The following FAT4 variants were observed in gnomAD, a reference collection of about 807,000 sequenced individuals.
FAT4 encodes the protein FAT atypical cadherin 4.
FAT4 carries 84 observed loss-of-function variants against 303.9 expected under a neutral mutation model. The observed-to-expected ratio is 0.28, with a 90% CI of 0.23 to 0.33. FAT4 has a LOEUF of 0.33. Among genes scored for constraint, FAT4 ranks in the 10% least tolerant of loss-of-function variants. FAT4 has a pLI of 1.00. For missense variants in FAT4, 6,005 were observed against 6,146.8 expected, an observed-to-expected ratio of 0.98 and a Z score of 0.77; for synonymous variants, 2,307 against 2,298.8, an observed-to-expected ratio of 1.00 and a Z score of -0.10.
In FAT4 at chr4:125,320,304, C is replaced by T. The variant is rs765665479; in HGVS notation, c.3893C>T (p.Thr1298Met). Residue 1298 changes from threonine (T) to methionine (M), a missense_variant, in exon 2 of 18, where the codon ACG (threonine) becomes ATG (methionine). Physicochemically the swap from Thr to Met is moderately conservative, Grantham distance 81 (BLOSUM62 -1). Coordinates refer to ENST00000394329, the MANE Select transcript of FAT4 (RefSeq NM_001291303.3). ...VDSGTIPLNS[T>M]CTLNIDILDE... Reference sequence around the variant, plus strand: ...TCAGGGACAATCCCCCTCAATTCAACGTGTACTTTAAATATTGATATTTTA... The same window carrying T: ...TCAGGGACAATCCCCCTCAATTCAATGTGTACTTTAAATATTGATATTTTA... 2.2e-5 allele frequency: 36 copies of T among 1,613,104 alleles called. No homozygotes were observed. The highest frequency in any genetic ancestry group is 1.8e-4 in the South Asian group (16 of 91,050).
chr4:125,316,618 C>T lies in FAT4; in HGVS notation c.207C>T (p.Gly69=), dbSNP rs773204033. The T allele has an allele frequency of 1.2e-6, 2 of 1,614,002 alleles. No homozygotes were observed. Among genetic ancestry groups the T allele is most frequent in the Non-Finnish European group, 1.7e-6 (2 of 1,180,038 alleles). Residue 69 remains glycine, a synonymous_variant, in exon 2 of 18, where the codon GGC becomes GGT. Transcript: ENST00000394329. The surrounding 1 kb of genome is among the most constrained non-coding windows in gnomAD (Gnocchi z 5.7). Reference sequence around the variant, plus strand: ...TAGGCACCATCCAGACGCGCCCCGGCTTCACCTACAGGCTCAGCGAAAGCC... The same window carrying T: ...TAGGCACCATCCAGACGCGCCCCGGTTTCACCTACAGGCTCAGCGAAAGCC... ...TLVGTIQTRP[G]FTYRLSESHA... is the part of the protein sequence containing the mutation.
chr4:125,323,241 T>A (rs1016552019), intron 2 of FAT4, among the ~76,000 whole-genome samples: 5 of 152,198 alleles, frequency 3.3e-5, no homozygotes, highest in Non-Finnish European at 7.4e-5. Context: ...CTATGGAGAA[T>A]GAGAATAAAT....
chr4:125,317,938 T>A lies in FAT4; in HGVS notation c.1527T>A (p.Asn509Lys). The change falls in exon 2 of 18, where the codon AAT (asparagine) becomes AAA (lysine). Residue 509 changes from asparagine to lysine, a missense_variant. Transcript: ENST00000394329. The surrounding 1 kb of genome is among the most constrained non-coding windows in gnomAD (Gnocchi z 7.0). ...ATDGDSGLNANLRYSIVSGNG... is the reference protein window; with the variant it reads ...ATDGDSGLNAKLRYSIVSGNG... Reference sequence around the variant, plus strand: ...ATGGCGACTCTGGTCTCAATGCTAATCTGCGTTACAGCATTGTCTCTGGCA... The same window carrying A: ...ATGGCGACTCTGGTCTCAATGCTAAACTGCGTTACAGCATTGTCTCTGGCA... The A allele has an allele frequency of 6.2e-7, 1 of 1,614,150 alleles. No individual in the cohort carries two copies. The highest frequency in any genetic ancestry group is 8.5e-7 in the Non-Finnish European group (1 of 1,180,032).
chr4:125,373,498 T>G (rs1477438460), intron 2 of FAT4, among the ~76,000 whole-genome samples: 1 of 152,216 alleles, frequency 6.6e-6, no homozygotes, highest in African/African-American at 2.4e-5. Context: ...TGAAGCTTTA[T>G]TTCTAAAACT....
At chr4:125,477,386 A>T (rs1322928693) in intron 14 of FAT4, 52 bp downstream of exon 14, 3 of 1,442,988 alleles carry the variant, frequency 2.1e-6, no homozygotes, top group Non-Finnish European at 2.8e-6. Flanking sequence ...GCAAAAAAGT[A>T]TGCTTCAGTG....
At chr4:125,382,218 C>A (rs1733568870) in intron 2 of FAT4, among the ~76,000 whole-genome samples, 1 of 152,084 alleles carries the variant, frequency 6.6e-6, no homozygotes, top group African/African-American at 2.4e-5. Flanking sequence ...GAATTCTTTC[C>A]AAGTTTTCAA....
intron 2 of FAT4, among the ~76,000 whole-genome samples, chr4:125,337,287 C>A (rs991873109): frequency 6.6e-6 from 1 of 152,010 alleles, no homozygotes; most frequent in Admixed American, 6.6e-5. Context: ...GTAATAACCA[C>A]ACTCCAAAGT....
At chr4:125,394,020 A>G in intron 2 of FAT4, 1 of 778,848 alleles carries the variant, frequency 1.3e-6, no homozygotes, top group East Asian at 2.4e-5. Context: ...TCAAGCACAG[A>G]TCTACCAACT....
In FAT4 at chr4:125,468,541, A is replaced by G; in HGVS notation, c.11935A>G (p.Ser3979Gly). ...CTTTGGAAAACACTGCGAGTTGAAC[A>G]GTTATGGATTTGAGGAGTTATCATA... ...GVFGKHCELN[S>G]YGFEELSYME... The change falls in exon 12 of 18, where the codon AGT becomes GGT. Residue 3979 changes from serine (S) to glycine (G), a missense_variant. By Grantham distance (56) the Ser-to-Gly change is moderately conservative. Coordinates refer to ENST00000394329, the MANE Select transcript of FAT4 (RefSeq NM_001291303.3). 2 of 1,596,076 alleles carry G rather than the reference A, an allele frequency of 1.3e-6. No homozygotes were observed. The highest frequency in any genetic ancestry group is 1.7e-6 in the Non-Finnish European group (2 of 1,167,892).
Position 125,426,335 on chromosome 4 carries a change from C to T in FAT4, c.7019-7910C>T, listed in dbSNP as rs181492907. The stretch of plus-strand genomic sequence containing the variant: ...GAAAACTTTTAAGGCCCCAATAATT[C>T]TATAAATCAAATCATGCTAGAGTTG... On this transcript the variant is annotated intron_variant, in intron 7 of 17. Coordinates refer to ENST00000394329, the MANE Select transcript of FAT4 (RefSeq NM_001291303.3). Among the ~76,000 whole-genome samples, 434 of 152,086 alleles carry T rather than the reference C, an allele frequency of 2.9e-3. 1 individual carries two copies. The highest frequency in any genetic ancestry group is 9.3e-3 in the African/African-American group (386 of 41,528).
chr4:125,361,345 G>T (rs1323207062), intron 2 of FAT4, among the ~76,000 whole-genome samples: 1 of 152,176 alleles, frequency 6.6e-6, no homozygotes, highest in Non-Finnish European at 1.5e-5. Flanking sequence ...TAAAAAGAAT[G>T]AGATCCATCA....
chr4:125,343,923 T>C (rs1040698618), intron 2 of FAT4, among the ~76,000 whole-genome samples: 5 of 152,152 alleles, frequency 3.3e-5, no homozygotes, highest in African/African-American at 9.6e-5. Context: ...CAGTAATGAA[T>C]TGGTCTCTGG....
rs183816618 is a variant in FAT4 at position 125,366,859 on chromosome 4, A to T, written c.5176-31925A>T. ...ATTTCTCTAATGATCAGTGATATTG[A>T]GCTTTTTGTCATATGCTTGTTGGCC... On this transcript the variant is annotated intron_variant, in intron 2 of 17. Coordinates refer to ENST00000394329, the MANE Select transcript of FAT4 (RefSeq NM_001291303.3). 1.1e-4 allele frequency among the ~76,000 whole-genome samples: 16 copies of T among 151,814 alleles called. No individual in the cohort carries two copies. The East Asian group carries it at 3.1e-3, about 29-fold the overall frequency.
chr4:125,451,207 T>G lies in FAT4; in HGVS notation c.10197T>G (p.Asp3399Glu). The G allele has an allele frequency of 6.2e-7, 1 of 1,614,118 alleles. No homozygotes were observed. Among genetic ancestry groups the G allele is most frequent in the Non-Finnish European group, 8.5e-7 (1 of 1,180,010 alleles). The part of the protein sequence containing the change: ...DEVTVNVTVL[D>E]ANDPPIFTLN... The stretch of plus-strand genomic sequence containing the variant: ...TCACTGTAAATGTCACCGTGCTTGA[T>G]GCAAATGACCCACCCATTTTTACTC... Residue 3399 changes from aspartate (D) to glutamate (E), a missense_variant, in exon 10 of 18, where the codon GAT becomes GAG. Physicochemically the swap from Asp to Glu is conservative, Grantham distance 45. Coordinates refer to ENST00000394329, the MANE Select transcript of FAT4 (RefSeq NM_001291303.3).
chr4:125,485,042 T>C (rs1239208557), intron 16 of FAT4, among the ~76,000 whole-genome samples: 1 of 152,046 alleles, frequency 6.6e-6, no homozygotes, highest in African/African-American at 2.4e-5. Context: ...TTTGTAGGGA[T>C]GAGGTTTCAC....
At chr4:125,479,071 C>T (rs1447824714) in intron 14 of FAT4, among the ~76,000 whole-genome samples, 1 of 152,142 alleles carries the variant, frequency 6.6e-6, no homozygotes, top group African/African-American at 2.4e-5. Flanking sequence ...CACTTCAAGG[C>T]TTTCTCACTG....
At position 125,407,103 on chromosome 4, in the gene FAT4, C is replaced by G; in HGVS notation, c.5531C>G (p.Pro1844Arg). 1 of 1,613,602 alleles carries G rather than the reference C, an allele frequency of 6.2e-7. No individual in the cohort carries two copies. The change falls in exon 4 of 18, where the codon CCC becomes CGC. Residue 1844 changes from proline (P) to arginine (R), a missense_variant. Physicochemically the swap from Pro to Arg is moderately radical, Grantham distance 103. Transcript: ENST00000394329. ...VNDHTPKFSR[P>R]VYSFDIPEDT... The stretch of plus-strand genomic sequence containing the variant: ...GACCATACACCCAAATTTTCCAGAC[C>G]CGTGTACTCTTTTGACATTCCTGAG...
intron 2 of FAT4, among the ~76,000 whole-genome samples, chr4:125,362,454 T>C (rs1375461217): frequency 7.2e-5 from 11 of 152,040 alleles, no homozygotes; most frequent in Non-Finnish European, 5.9e-5. Context: ...AGAAGTTTGG[T>C]GGTATGATAT....
At chr4:125,335,924 T>G (rs1731553835) in intron 2 of FAT4, among the ~76,000 whole-genome samples, 1 of 152,064 alleles carries the variant, frequency 6.6e-6, no homozygotes, top group Non-Finnish European at 1.5e-5. Context: ...GCACTGCATA[T>G]TTTCCTAAAA....
Sources: gnomAD v4.1 joint callset for allele counts (sites outside exome capture counted in the v4.1 genomes callset) on GRCh38, gnomAD v4.1.1 for gene constraint, Gnocchi (gnomAD v3.1) non-coding constraint, MANE v1.5 for transcripts, NCBI Gene and HGNC (gene_info 2026-07-23, HGNC 2026-07-21) for gene names.